Variants in H2BC5 observed in about 807,000 individuals in gnomAD.
The protein encoded by H2BC5 is H2B clustered histone 5, also known as histone H2B type 1-D.
Under a neutral mutation model 5.7 loss-of-function variants are expected in H2BC5, and 9 were observed. That is an observed-to-expected ratio of 1.57 (90% CI 0.95 to 2.74). The LOEUF (loss-of-function observed/expected upper bound fraction) is 2.74. H2BC5 is among the 30% of genes most tolerant of loss of function. The probability of loss-of-function intolerance (pLI) is 0.00; values close to 1 mark genes in which losing one functional copy is unlikely to be tolerated. For synonymous variants in H2BC5, 133 were observed against 70.9 expected (o/e 1.88, Z -4.40); for missense variants, 175 against 168.8 (o/e 1.04, Z -0.20).
intron 1 of H2BC5, among the ~76,000 whole-genome samples, chr6:26,170,369 A>T (rs1052065639): frequency 6.6e-6 from 1 of 152,188 alleles, no homozygotes; most frequent in Admixed American, 6.5e-5. Flanking sequence ...GCAGACTCTC[A>T]AAACGTATTT....
chr6:26,166,485 G>GT (rs768801911), intron 1 of H2BC5, among the ~76,000 whole-genome samples: 29 of 152,010 alleles, frequency 1.9e-4, no homozygotes, highest in Non-Finnish European at 3.2e-4. Flanking sequence ...AAACTTCATT[G>GT]TTTTTCCTAT....
chr6:26,168,258 A>T (rs1173745471), intron 1 of H2BC5, among the ~76,000 whole-genome samples: 1 of 152,134 alleles, frequency 6.6e-6, no homozygotes, highest in South Asian at 2.1e-4. Context: ...CGGGAGTTCA[A>T]GACCAGCCTG....
chr6:26,171,258 G>T (rs1764509998), exon 2 of H2BC5: 1 of 152,094 alleles, frequency 6.6e-6, no homozygotes, highest in Non-Finnish European at 1.5e-5. Context: ...ACTTGCCATG[G>T]ACTACCTTTG....
At chr6:26,168,963 T>G (rs569141741) in intron 1 of H2BC5, among the ~76,000 whole-genome samples, 19 of 151,940 alleles carry the variant, frequency 1.3e-4, no homozygotes, top group Non-Finnish European at 2.2e-4. Flanking sequence ...GAAAACAAAC[T>G]GAAGCAGAAA....
At chr6:26,159,422 G>A (rs79030956), downstream of H2BC5, among the ~76,000 whole-genome samples, 2 of 151,958 alleles carry the variant, frequency 1.3e-5, no homozygotes, top group Non-Finnish European at 2.9e-5. Flanking sequence ...CCCTGAGTAC[G>A]GAGGACTGGA....
At chr6:26,159,472 G>A (rs1156985426), downstream of H2BC5, among the ~76,000 whole-genome samples, 1 of 152,064 alleles carries the variant, frequency 6.6e-6, no homozygotes, top group Admixed American at 6.6e-5. Flanking sequence ...CTGGCAGGAT[G>A]TAGCTTCTGC....
At chr6:26,158,610 T>C, downstream of H2BC5, 1 of 1,590,584 alleles carries the variant, frequency 6.3e-7, no homozygotes, top group Non-Finnish European at 8.6e-7. Context: ...GCCACGCATG[T>C]TTTCAATAAA....
At position 26,166,413 on chromosome 6, in the gene H2BC5, C is replaced by T. The variant is rs186051916; in HGVS notation, c.*10-4562C>T. Among the ~76,000 whole-genome samples the T allele has an allele frequency of 1.1e-3, 167 of 152,306 alleles. 1 individual carries two copies. The East Asian group carries it at 0.024, about 22-fold the overall frequency. ...ATACTGGCCTCCTGGACCCCCTCCT[C>T]CTTCCCTTTATTCCTTCTTTCCTTC... On this transcript the variant is annotated intron_variant, in intron 1 of 1. Transcript: ENST00000289316.
intron 1 of H2BC5, chr6:26,164,188 G>A: frequency 2.3e-6 from 1 of 444,302 alleles, no homozygotes; most frequent in Non-Finnish European, 4.6e-6. Flanking sequence ...GAGGTGGCAG[G>A]GGTGAGGGCA....
intron 1 of H2BC5, among the ~76,000 whole-genome samples, chr6:26,167,215 C>T (rs1346466395): frequency 1.3e-5 from 2 of 152,138 alleles, no homozygotes; most frequent in African/African-American, 2.4e-5. Flanking sequence ...ACCCACTATC[C>T]TCCCCTGGGG....
chr6:26,160,198 C>A (rs1216959088), downstream of H2BC5, among the ~76,000 whole-genome samples: 1 of 152,118 alleles, frequency 6.6e-6, no homozygotes, highest in Non-Finnish European at 1.5e-5. Context: ...AACACCCAAG[C>A]TGAGAATTTA....
At position 26,158,436 on chromosome 6, in the gene H2BC5, C is replaced by A; in HGVS notation, c.267C>A (p.Thr89=). Residue 89 remains threonine (T), a synonymous_variant, in exon 1 of 1, where the codon ACC becomes ACA. Transcript: ENST00000377777. The part of the protein sequence containing the change: ...SRLAHYNKRS[T]ITSREIQTAV... The stretch of plus-strand genomic sequence containing the variant: ...TGGCGCATTACAACAAGCGCTCGAC[C>A]ATCACCTCCAGGGAGATCCAGACGG... 6.2e-7 allele frequency: 1 copy of A among 1,614,290 alleles called. No individual in the cohort carries two copies. Among genetic ancestry groups the A allele is most frequent in the Non-Finnish European group, 8.5e-7 (1 of 1,180,054 alleles).
At chr6:26,165,061 C>A (rs1449861717) in intron 1 of H2BC5, among the ~76,000 whole-genome samples, 1 of 152,026 alleles carries the variant, frequency 6.6e-6, no homozygotes, top group Non-Finnish European at 1.5e-5. Flanking sequence ...CCTTTCCATC[C>A]CTGGGAAAAT....
intron 1 of H2BC5, among the ~76,000 whole-genome samples, chr6:26,167,544 C>G (rs1033330101): frequency 3.3e-5 from 5 of 152,060 alleles, no homozygotes; most frequent in African/African-American, 1.2e-4. Flanking sequence ...ATTGATTTTA[C>G]AAAAGTAAGT....
downstream of H2BC5, chr6:26,158,725 C>CTTCCAAG: frequency 9.4e-7 from 1 of 1,067,110 alleles, no homozygotes; most frequent in Non-Finnish European, 1.3e-6. Context: ...TTGGAAGTTA[C>CTTCCAAG]AGGGAATAAC....
At chr6:26,169,872 G>A (rs1353036703) in intron 1 of H2BC5, among the ~76,000 whole-genome samples, 1 of 151,862 alleles carries the variant, frequency 6.6e-6, no homozygotes, top group Admixed American at 6.6e-5. Flanking sequence ...CTGCACTCCA[G>A]CCTGGGTGGC....
downstream of H2BC5, chr6:26,160,782 T>C (rs1415761357): frequency 6.6e-6 from 1 of 150,818 alleles, no homozygotes; most frequent in Admixed American, 6.6e-5. Context: ...GGCAGGAGAA[T>C]CGCGTGAACC....
chr6:26,166,633 T>G (rs1764430418), intron 1 of H2BC5, among the ~76,000 whole-genome samples: 1 of 150,026 alleles, frequency 6.7e-6, no homozygotes, highest in Non-Finnish European at 1.5e-5. Context: ...GGCAGGGAGG[T>G]AAGGACTTCA....
At chr6:26,159,243 GTTTTTTTT>G (rs35999697), downstream of H2BC5, among the ~76,000 whole-genome samples, 37 of 61,442 alleles carry the variant, frequency 6.0e-4, no homozygotes, top group Admixed American at 2.9e-3. Context: ...TAATTTATAG[GTTTTTTTT>G]TTTTTTTTTT....
Sources: gnomAD v4.1 joint callset for allele counts (sites outside exome capture counted in the v4.1 genomes callset) on GRCh38, gnomAD v4.1.1 for gene constraint, MANE v1.5 for transcripts, NCBI Gene and HGNC (gene_info 2026-07-23, HGNC 2026-07-21) for gene names.